The following NDUFA5 variants were observed in gnomAD, a reference collection of about 807,000 sequenced individuals.
NDUFA5 encodes the protein NADH dehydrogenase [ubiquinone] 1 alpha subcomplex subunit 5.
Under a neutral mutation model 19.8 loss-of-function variants are expected in NDUFA5, and 11 were observed. That is an observed-to-expected ratio of 0.56 (90% confidence interval 0.35 to 0.92). The LOEUF (loss-of-function observed/expected upper bound fraction) is 0.92. Among genes scored for constraint, NDUFA5 ranks in the 40% least tolerant of loss-of-function variants. NDUFA5 has a pLI of 0.01. For synonymous variants in NDUFA5, 47 were observed against 46.8 expected (o/e 1.00, Z -0.01); for missense variants, 109 against 134.2 (o/e 0.81, Z 0.93).
chr7:123,539,900 C>T lies in NDUFA5; in HGVS notation c.*2219G>A, dbSNP rs1483212382. ...AGGATCTAGTTTCATTTGGTACAGC[C>T]CATACAGCACAGGAAGAAGTCACAA... On this transcript the variant is annotated 3_prime_UTR_variant, in exon 5 of 5. Transcript: ENST00000355749. 6.6e-6 allele frequency: 1 copy of T among 152,128 alleles called. No homozygotes were observed. Among genetic ancestry groups the T allele is most frequent in the African/African-American group, 2.4e-5 (1 of 41,410 alleles). 9.4% of individuals were successfully genotyped at this position (152,128 alleles called of 1,614,324 possible). A position where few individuals can be genotyped will look rare whatever the true frequency, so the allele number is the denominator to read the frequency against.
the NDUFA5 span, among the ~76,000 whole-genome samples, chr7:123,568,747 T>C: frequency 1.1e-4 from 16 of 152,046 alleles, no homozygotes; most frequent in Non-Finnish European, 1.8e-4. Context: ...GCATTATTAA[T>C]GTAAATGGTG....
intron 2 of NDUFA5, 122 bp downstream of exon 2, chr7:123,557,282 T>TGTAATTAAGGGCTTGTAATTA: frequency 7.2e-7 from 1 of 1,382,908 alleles, no homozygotes; most frequent in Non-Finnish European, 1.0e-6. Context: ...TCTCAAGAGC[T>TGTAATTAAGGGCTTGTAATTA]CACGCGGCTT....
chr7:123,575,306 C>CA, the NDUFA5 span, among the ~76,000 whole-genome samples: 1 of 151,998 alleles, frequency 6.6e-6, no homozygotes. Flanking sequence ...TATCCTCTTC[C>CA]ATTGATTCTA....
rs1393896294 is a variant in NDUFA5 at position 123,540,991 on chromosome 7, C to T, written c.*1128G>A. Reference sequence around the variant, plus strand: ...CTATCTATGAAGGAAAGAGATACCACGTTAAATTTAACCAAGTATTTAGGA... The same window carrying T: ...CTATCTATGAAGGAAAGAGATACCATGTTAAATTTAACCAAGTATTTAGGA... On this transcript the variant is annotated 3_prime_UTR_variant, in exon 5 of 5. Coordinates refer to ENST00000355749, the MANE Select transcript of NDUFA5 (RefSeq NM_005000.5). 8 of 151,618 alleles carry T rather than the reference C, an allele frequency of 5.3e-5. No homozygotes were observed. Among genetic ancestry groups the T allele is most frequent in the South Asian group, 4.2e-4 (2 of 4,812 alleles). 9.4% of individuals were successfully genotyped at this position (151,618 alleles called of 1,614,324 possible). A position where few individuals can be genotyped will look rare whatever the true frequency, so the allele number is the denominator to read the frequency against.
chr7:123,553,487 GC>G (rs1189195795), intron 2 of NDUFA5, among the ~76,000 whole-genome samples: 1 of 152,186 alleles, frequency 6.6e-6, no homozygotes, highest in Admixed American at 6.5e-5. Flanking sequence ...GATTATGGGA[GC>G]TACAATTCAA....
chr7:123,563,145 T>C, the NDUFA5 span, among the ~76,000 whole-genome samples: 5 of 152,158 alleles, frequency 3.3e-5, no homozygotes, highest in Admixed American at 3.3e-4. Context: ...GTAGCACTTT[T>C]AATTTTCTTC....
the NDUFA5 span, among the ~76,000 whole-genome samples, chr7:123,581,055 G>A: frequency 6.6e-6 from 1 of 152,032 alleles, no homozygotes; most frequent in Middle Eastern, 3.4e-3. Flanking sequence ...GCTTGTTGCA[G>A]TAGAACTGTC....
the NDUFA5 span, among the ~76,000 whole-genome samples, chr7:123,594,990 G>A: frequency 6.6e-6 from 1 of 152,088 alleles, no homozygotes; most frequent in Non-Finnish European, 1.5e-5. Context: ...GCATAAAACC[G>A]CCTACTCAAG....
chr7:123,550,252 G>C, intron 3 of NDUFA5: 1 of 449,154 alleles, frequency 2.2e-6, no homozygotes, highest in Non-Finnish European at 3.9e-6. Flanking sequence ...TTCAAGGAAG[G>C]ATCTGATCCT....
chr7:123,576,599 T>G, the NDUFA5 span, among the ~76,000 whole-genome samples: 1 of 152,162 alleles, frequency 6.6e-6, no homozygotes. Flanking sequence ...TCTATGGGAT[T>G]CTCTGTGTAG....
the NDUFA5 span, among the ~76,000 whole-genome samples, chr7:123,571,214 G>C: frequency 6.6e-6 from 1 of 152,238 alleles, no homozygotes; most frequent in Non-Finnish European, 1.5e-5. Context: ...GGTCAAGTGA[G>C]ATTGGGAGCA....
the NDUFA5 span, among the ~76,000 whole-genome samples, chr7:123,569,735 T>G: frequency 6.6e-6 from 1 of 152,222 alleles, no homozygotes; most frequent in Non-Finnish European, 1.5e-5. Flanking sequence ...GGAATTTACA[T>G]ATCTTAAATG....
chr7:123,557,322 C>T, intron 2 of NDUFA5, 82 bp downstream of exon 2: 1 of 1,586,272 alleles, frequency 6.3e-7, no homozygotes, highest in Non-Finnish European at 8.6e-7. Flanking sequence ...ATCTGTATCC[C>T]GTTAACCCTG....
At chr7:123,562,193 ATCT>A (rs1385855856), upstream of NDUFA5, among the ~76,000 whole-genome samples, 6 of 152,008 alleles carry the variant, frequency 3.9e-5, no homozygotes, top group Non-Finnish European at 8.8e-5. Flanking sequence ...TTTGAAAGAA[ATCT>A]TCTTTTTTCT....
At chr7:123,563,053 G>A in the NDUFA5 span, among the ~76,000 whole-genome samples, 44 of 152,112 alleles carry the variant, frequency 2.9e-4, no homozygotes, top group African/African-American at 9.4e-4. Context: ...CGCCCACCTC[G>A]GTCTCTGAAT....
At chr7:123,566,218 C>G in the NDUFA5 span, among the ~76,000 whole-genome samples, 1 of 152,050 alleles carries the variant, frequency 6.6e-6, no homozygotes, top group Non-Finnish European at 1.5e-5. Context: ...AGTGATGCAT[C>G]TACAAGCCAA....
the NDUFA5 span, among the ~76,000 whole-genome samples, chr7:123,591,858 A>T: frequency 6.6e-6 from 1 of 152,334 alleles, no homozygotes; most frequent in East Asian, 1.9e-4. Flanking sequence ...TGATTGAAAT[A>T]GTTTCAGAAG....
chr7:123,571,589 CAA>C, the NDUFA5 span, among the ~76,000 whole-genome samples: 6 of 152,094 alleles, frequency 3.9e-5, no homozygotes, highest in African/African-American at 1.4e-4. Flanking sequence ...TTCAATTCCC[CAA>C]AAGAGAAGCA....
At chr7:123,544,601 G>C (rs1035468576) in intron 4 of NDUFA5, among the ~76,000 whole-genome samples, 1 of 150,442 alleles carries the variant, frequency 6.6e-6, no homozygotes, top group Non-Finnish European at 1.5e-5. Flanking sequence ...GACAATGTCA[G>C]AAAAGTTTAA....
Sources: gnomAD v4.1 joint callset for allele counts (sites outside exome capture counted in the v4.1 genomes callset) on GRCh38, gnomAD v4.1.1 for gene constraint, MANE v1.5 for transcripts, NCBI Gene and HGNC (gene_info 2026-07-23, HGNC 2026-07-21) for gene names.